The following NBEA variants were observed in gnomAD, a reference collection of about 807,000 sequenced individuals.
NBEA encodes the protein neurobeachin.
NBEA carries 44 observed loss-of-function variants against 343.4 expected under a neutral mutation model. The observed-to-expected ratio is 0.13, with a 90% CI of 0.10 to 0.16. The LOEUF is 0.16. NBEA is among the 10% of genes least tolerant of loss of function. NBEA has a pLI of 1.00. For synonymous variants in NBEA, 1,175 were observed against 1,238.7 expected (o/e 0.95, Z 1.08); for missense variants, 2,555 against 3,631.3 (o/e 0.70, Z 7.62).
chr13:34,964,954 T>C (rs904751416), intron 1 of NBEA, among the ~76,000 whole-genome samples: 1 of 152,016 alleles, frequency 6.6e-6, no homozygotes, highest in African/African-American at 2.4e-5. Context: ...AGAAGTGTTC[T>C]AGCAATGACT....
intron 1 of NBEA, among the ~76,000 whole-genome samples, chr13:35,038,078 T>A (rs1249967828): frequency 6.6e-6 from 1 of 152,152 alleles, no homozygotes; most frequent in African/African-American, 2.4e-5. Flanking sequence ...CAAGACACAG[T>A]CCTTCCCCTT....
rs1224485659 is a variant in NBEA, at chr13:35,331,955, AT to A, written c.5904-17152del. ...ATGTTTTATTTACCTTGTTTTTTCCATGTTAAATGTACTGTACAGTTTTATA... is the reference window on the plus strand; with the variant it reads ...ATGTTTTATTTACCTTGTTTTTTCCAGTTAAATGTACTGTACAGTTTTATA... On this transcript the variant is annotated intron_variant, in intron 36 of 58. Coordinates refer to ENST00000379939, the MANE Select transcript of NBEA (RefSeq NM_001385012.1). 6.6e-5 allele frequency among the ~76,000 whole-genome samples: 10 copies of A among 152,144 alleles called. No individual in the cohort carries two copies. In the South Asian group the frequency reaches 1.7e-3, roughly 25 times the overall value.
intron 38 of NBEA, among the ~76,000 whole-genome samples, chr13:35,407,261 G>A (rs1037098645): frequency 2.6e-5 from 4 of 151,700 alleles, no homozygotes; most frequent in African/African-American, 4.8e-5. Flanking sequence ...CACTGCACCC[G>A]GCCTATTTTT....
At chr13:35,666,114 A>G (rs1228748598) in intron 56 of NBEA, among the ~76,000 whole-genome samples, 5 of 151,978 alleles carry the variant, frequency 3.3e-5, no homozygotes, top group Admixed American at 6.6e-5. Flanking sequence ...TGGAGGAATG[A>G]GAAGGCTGAA....
intron 1 of NBEA, among the ~76,000 whole-genome samples, chr13:34,948,564 G>C (rs1424387563): frequency 6.6e-6 from 1 of 152,126 alleles, no homozygotes; most frequent in Non-Finnish European, 1.5e-5. Context: ...ATCAGTGTAA[G>C]TTGGGTTTTT....
intron 49 of NBEA, among the ~76,000 whole-genome samples, chr13:35,634,691 CATTT>C (rs543412937): frequency 5.9e-5 from 9 of 152,154 alleles, no homozygotes; most frequent in South Asian, 2.1e-4. Flanking sequence ...TAGATATACA[CATTT>C]ATTTATGCTG....
intron 16 of NBEA, among the ~76,000 whole-genome samples, chr13:35,121,820 T>C (rs1179752011): frequency 6.6e-6 from 1 of 152,198 alleles, no homozygotes; most frequent in East Asian, 1.9e-4. Context: ...ATGAAAATTA[T>C]ATTGCATCTT....
rs1269586984 is a variant in NBEA, at chr13:35,184,083, C to T, written c.4927+12C>T. 3 of 1,571,728 alleles carry T rather than the reference C, an allele frequency of 1.9e-6. No individual in the cohort carries two copies. In the Admixed American group the frequency reaches 5.1e-5, roughly 27 times the overall value. ...CTCATTTTACAAAGGTAATACTGAC[C>T]TCATCTCCTGACCTGTTTGGGTATT... On this transcript the variant is annotated intron_variant, in intron 30 of 58. Transcript: ENST00000379939.
chr13:35,032,958 T>C (rs1445090559), intron 1 of NBEA, among the ~76,000 whole-genome samples: 1 of 151,990 alleles, frequency 6.6e-6, no homozygotes, highest in African/African-American at 2.4e-5. Flanking sequence ...CTGGATTGTC[T>C]CTTCACTTTG....
At chr13:35,204,323 G>A (rs1304619482) in intron 31 of NBEA, among the ~76,000 whole-genome samples, 3 of 152,130 alleles carry the variant, frequency 2.0e-5, no homozygotes, top group African/African-American at 7.2e-5. Context: ...GGAATAAAAG[G>A]TTTAATTGGA....
chr13:35,185,527 A>G (rs1342020923), intron 30 of NBEA: 1 of 152,124 alleles, frequency 6.6e-6, no homozygotes, highest in Non-Finnish European at 1.5e-5. Context: ...TGTGCAAACC[A>G]AAAAAAGGAT....
intron 34 of NBEA, among the ~76,000 whole-genome samples, chr13:35,253,871 A>G (rs928739446): frequency 7.2e-5 from 11 of 152,154 alleles, no homozygotes; most frequent in African/African-American, 2.2e-4. Context: ...GAAGAATGGT[A>G]TATTGGTATT....
chr13:35,081,258 A>G (rs1156290915), intron 10 of NBEA, among the ~76,000 whole-genome samples: 1 of 151,984 alleles, frequency 6.6e-6, no homozygotes, highest in Admixed American at 6.6e-5. Context: ...AATCCTAGCT[A>G]TTTATTATTT....
At chr13:35,381,217 T>C (rs1171937540) in intron 38 of NBEA, among the ~76,000 whole-genome samples, 1 of 152,138 alleles carries the variant, frequency 6.6e-6, no homozygotes, top group Non-Finnish European at 1.5e-5. Context: ...GTTAGCTAAC[T>C]GGTAGTTCAA....
chr13:35,348,923 AAC>A (rs1195600180), intron 36 of NBEA, among the ~76,000 whole-genome samples, 183 bp from the exon 37 acceptor site: 3 of 152,076 alleles, frequency 2.0e-5, no homozygotes, highest in Admixed American at 2.0e-4. Context: ...GAATTGGTGC[AAC>A]AGTTTTATGA....
chr13:35,342,891 T>C (rs17052088), intron 36 of NBEA, among the ~76,000 whole-genome samples: 6,297 of 152,046 alleles, frequency 0.041, 154 homozygotes, highest in South Asian at 0.077. Context: ...ATTTTTAAAG[T>C]ATTGGGCTAG....
chr13:35,584,483 T>G (rs1225004453), intron 46 of NBEA, among the ~76,000 whole-genome samples: 2 of 146,488 alleles, frequency 1.4e-5, no homozygotes, highest in Non-Finnish European at 3.0e-5. Context: ...CTTGCGCATC[T>G]ATTATTTTTT....
At chr13:35,059,670 AGGAG>A (rs2063395134) in intron 8 of NBEA, among the ~76,000 whole-genome samples, 1 of 151,684 alleles carries the variant, frequency 6.6e-6, no homozygotes, top group Admixed American at 6.6e-5. Context: ...TGTAATGGAA[AGGAG>A]TAGTAAATAT....
intron 13 of NBEA, among the ~76,000 whole-genome samples, chr13:35,116,619 A>G (rs1282217962): frequency 1.3e-5 from 2 of 152,152 alleles, no homozygotes; most frequent in Admixed American, 6.6e-5. Context: ...AGCAGATGCT[A>G]TACATTATAC....
Sources: gnomAD v4.1 joint callset for allele counts (sites outside exome capture counted in the v4.1 genomes callset) on GRCh38, gnomAD v4.1.1 for gene constraint, MANE v1.5 for transcripts, NCBI Gene and HGNC (gene_info 2026-07-23, HGNC 2026-07-21) for gene names.